GJA5: variants seen among roughly 807,000 people sequenced by gnomAD.
The protein encoded by GJA5 is gap junction protein alpha 5.
A neutral mutation model predicts 7.9 loss-of-function variants in GJA5; 3 were observed. The observed-to-expected ratio is 0.38, with a 90% CI of 0.17 to 0.99. The LOEUF (loss-of-function observed/expected upper bound fraction) is 0.99, where lower values mean the gene tolerates loss of function less well. Among genes scored for constraint, GJA5 ranks in the 50% least tolerant of loss-of-function variants. The pLI is 0.38. For missense variants in GJA5, 390 were observed against 457.9 expected, an observed-to-expected ratio of 0.85 and a Z score of 1.35; for synonymous variants, 193 against 181.0, an observed-to-expected ratio of 1.07 and a Z score of -0.53.
upstream of GJA5, among the ~76,000 whole-genome samples, chr1:147,764,244 T>G (rs1664121680): frequency 6.6e-6 from 1 of 152,188 alleles, no homozygotes; most frequent in East Asian, 1.9e-4. Flanking sequence ...GCAAAATGGA[T>G]AAGTCTTCTA....
chr1:147,771,813 T>C (rs1664413434), intron 1 of GJA5, among the ~76,000 whole-genome samples: 1 of 152,104 alleles, frequency 6.6e-6, no homozygotes, highest in Admixed American at 6.5e-5. Flanking sequence ...AGGAAAAGGC[T>C]TGGAGGGACA....
rs1553227106 is a variant in GJA5, at chr1:147,759,183, G to T, written c.56C>A (p.Thr19Asn). The change falls in exon 2 of 2, where the codon ACC (threonine) becomes AAC (asparagine). Residue 19 changes from threonine to asparagine, a missense_variant. By Grantham distance (65) the Thr-to-Asn change is moderately conservative. Around this residue, in one of 2 missense-constraint regions of GJA5, gnomAD observed 36 missense variants for 87.1 expected, o/e 0.41. Transcript: ENST00000579774. The stretch of plus-strand genomic sequence containing the variant: ...AGTGAGCCAGACCTTGCCTACCACG[G>T]TCGAGTGCTTGTGTACTTCCTCCAG... ...NFLEEVHKHS[T>N]VVGKVWLTVL... 6.2e-7 allele frequency: 1 copy of T among 1,614,110 alleles called. No individual in the cohort carries two copies. The highest frequency in any genetic ancestry group is 1.3e-5 in the African/African-American group (1 of 75,044).
intron 1 of GJA5, among the ~76,000 whole-genome samples, chr1:147,771,227 G>A (rs587710249): frequency 3.5e-4 from 53 of 152,266 alleles, no homozygotes; most frequent in Non-Finnish European, 6.0e-4. Flanking sequence ...CAGTGTAGAC[G>A]ATGAAGAGCA....
In GJA5 at chr1:147,758,476, C is replaced by T. The variant is rs782455880; in HGVS notation, c.763G>A (p.Val255Met). Residue 255 changes from valine to methionine, a missense_variant, in exon 2 of 2, where the codon GTG becomes ATG. Coordinates refer to ENST00000579774, the MANE Select transcript of GJA5 (RefSeq NM_181703.4). Reference protein sequence around the residue: ...MAKCQLSGPSVGIVQSCTPPP... With the variant: ...MAKCQLSGPSMGIVQSCTPPP... ...GGTGTGCAGCTCTGGACTATGCCCA[C>T]AGAGGGGCCAGAAAGCTGGCACTTA... is the stretch of plus-strand genomic sequence containing the variant. 6.2e-7 allele frequency: 1 copy of T among 1,614,196 alleles called. No individual in the cohort carries two copies. The highest frequency in any genetic ancestry group is 8.5e-7 in the Non-Finnish European group (1 of 1,180,014).
At chr1:147,769,911 A>AT (rs1334269673) in intron 1 of GJA5, among the ~76,000 whole-genome samples, 2 of 151,806 alleles carry the variant, frequency 1.3e-5, no homozygotes, top group African/African-American at 4.8e-5. Flanking sequence ...ATGGCTCCAT[A>AT]TTATAAAATG....
At chr1:147,768,406 A>G (rs975430483) in intron 1 of GJA5, among the ~76,000 whole-genome samples, 1 of 152,184 alleles carries the variant, frequency 6.6e-6, no homozygotes, top group African/African-American at 2.4e-5. Context: ...GGAAGAAAAA[A>G]TATGAAAAGT....
chr1:147,765,436 T>C (rs1664165236), upstream of GJA5, among the ~76,000 whole-genome samples: 1 of 152,200 alleles, frequency 6.6e-6, no homozygotes. Flanking sequence ...AGAGTGGAGC[T>C]CATCAATTCT....
At position 147,759,141 on chromosome 1, in the gene GJA5, C is replaced by T. The variant is rs1311922669; in HGVS notation, c.98G>A (p.Arg33His). ...AGCAGCTGTGCCCAGCACGAGCATA[C>T]GGAATATGAAGAGGACAGTGAGCCA... is the stretch of plus-strand genomic sequence containing the variant. Reference protein sequence around the residue: ...KVWLTVLFIFRMLVLGTAAES... With the variant: ...KVWLTVLFIFHMLVLGTAAES... Residue 33 changes from arginine (R) to histidine (H), a missense_variant, in exon 2 of 2, where the codon CGT becomes CAT. This residue lies in a region of GJA5 where 36 missense variants were observed against 87.1 expected (regional missense o/e 0.41). Coordinates refer to ENST00000579774, the MANE Select transcript of GJA5 (RefSeq NM_181703.4). 7 of 1,612,998 alleles carry T rather than the reference C, an allele frequency of 4.3e-6. No individual in the cohort carries two copies. The highest frequency in any genetic ancestry group is 5.9e-6 in the Non-Finnish European group (7 of 1,179,166).
At chr1:147,764,284 C>T (rs1664123146), upstream of GJA5, among the ~76,000 whole-genome samples, 1 of 152,212 alleles carries the variant, frequency 6.6e-6, no homozygotes, top group African/African-American at 2.4e-5. Flanking sequence ...TTGGTGTCCC[C>T]TGAACTCCAG....
intron 1 of GJA5, among the ~76,000 whole-genome samples, chr1:147,767,024 G>A (rs1423374075): frequency 6.6e-5 from 10 of 152,178 alleles, no homozygotes; most frequent in Non-Finnish European, 1.5e-4. Flanking sequence ...ATAAAGCAAA[G>A]CACCAAGCAT....
chr1:147,759,400 A>G (rs1663899649), intron 1 of GJA5, 129 bp from the exon 2 acceptor site: 1 of 618,016 alleles, frequency 1.6e-6, no homozygotes, highest in African/African-American at 1.8e-5. Context: ...TGCAACTTAG[A>G]AGTCAAAGCA....
At position 147,757,270 on chromosome 1, in the gene GJA5, T is replaced by C. The variant is rs1313301526; in HGVS notation, c.*892A>G. On this transcript the variant is annotated 3_prime_UTR_variant, in exon 2 of 2. Transcript: ENST00000579774. ...AGAGAGGACAACAGCTTCTTGGATA[T>C]TCCTGTTGGTAAGGCCTTCAGGGAA... 1 of 152,232 alleles carries C rather than the reference T, an allele frequency of 6.6e-6. No individual in the cohort carries two copies. The highest frequency in any genetic ancestry group is 1.5e-5 in the Non-Finnish European group (1 of 68,072). 9.4% of individuals were successfully genotyped at this position (152,232 alleles called of 1,614,324 possible).
Position 147,758,557 on chromosome 1 carries a change from G to C in GJA5, c.682C>G (p.His228Asp), listed in dbSNP as rs1553226905. Reference sequence around the variant, plus strand: ...TGTCTGATCTTCTTCCAGCCCAGGTGGTAGAGTTCAGCCAGGCTAAGGAGG... The same window carrying C: ...TGTCTGATCTTCTTCCAGCCCAGGTCGTAGAGTTCAGCCAGGCTAAGGAGG... ...SLLLSLAELY[H>D]LGWKKIRQRF... Residue 228 changes from histidine to aspartate, a missense_variant, in exon 2 of 2, where the codon CAC (histidine) becomes GAC (aspartate). This residue lies in a region of GJA5 where 354 missense variants were observed against 370.9 expected (regional missense o/e 0.95). Transcript: ENST00000579774. 6.2e-7 allele frequency: 1 copy of C among 1,613,468 alleles called. No homozygotes were observed. Among genetic ancestry groups the C allele is most frequent in the African/African-American group, 1.3e-5 (1 of 74,894 alleles).
In GJA5 at chr1:147,760,483, C is replaced by G. The variant is rs1553227269; in HGVS notation, c.-34+16G>C. The G allele has an allele frequency of 6.6e-6, 1 of 152,418 alleles. No individual in the cohort carries two copies. The highest frequency in any genetic ancestry group is 1.9e-4 in the East Asian group (1 of 5,186). 9.4% of individuals were successfully genotyped at this position (152,418 alleles called of 1,614,324 possible). ...TGAGCCTCTTCAGCTCCTGTGATGG[C>G]CCCCGGGACACTTACTCGTCTCCCA... On this transcript the variant is annotated intron_variant, in intron 1 of 1. Transcript: ENST00000579774.
At chr1:147,766,041 C>T (rs1664189047) in intron 1 of GJA5, among the ~76,000 whole-genome samples, 2 of 152,106 alleles carry the variant, frequency 1.3e-5, no homozygotes, top group African/African-American at 4.8e-5. Context: ...ACATAATAGC[C>T]TTTCTAATAT....
At chr1:147,769,365 G>A (rs587687908) in intron 1 of GJA5, among the ~76,000 whole-genome samples, 5 of 152,290 alleles carry the variant, frequency 3.3e-5, no homozygotes, top group African/African-American at 1.2e-4. Context: ...GACTAGTAGG[G>A]CTAGGACCCT....
chr1:147,760,770 A>G (rs963104742), upstream of GJA5, among the ~76,000 whole-genome samples: 4 of 152,198 alleles, frequency 2.6e-5, no homozygotes, highest in Non-Finnish European at 5.9e-5. Context: ...TCTCCTCTGC[A>G]GTTAGTTCTG....
At chr1:147,763,434 G>A (rs1486613637), upstream of GJA5, among the ~76,000 whole-genome samples, 1 of 152,188 alleles carries the variant, frequency 6.6e-6, no homozygotes, top group Non-Finnish European at 1.5e-5. Context: ...GCCTGAATCT[G>A]GTTTTTGGGT....
chr1:147,759,860 C>A (rs1663920880), intron 1 of GJA5, among the ~76,000 whole-genome samples: 1 of 152,150 alleles, frequency 6.6e-6, no homozygotes, highest in Non-Finnish European at 1.5e-5. Flanking sequence ...GTTTAAATGG[C>A]TGTTGGATGG....
Sources: gnomAD v4.1 joint callset for allele counts (sites outside exome capture counted in the v4.1 genomes callset) on GRCh38, gnomAD v4.1.1 for gene constraint, gnomAD v4.1.1 regional missense constraint, MANE v1.5 for transcripts, NCBI Gene and HGNC (gene_info 2026-07-23, HGNC 2026-07-21) for gene names.